SMURF2: variants seen among roughly 807,000 people sequenced by gnomAD.
SMURF2 encodes the protein E3 ubiquitin-protein ligase SMURF2.
SMURF2 carries 48 observed loss-of-function variants against 109.6 expected under a neutral mutation model. That is an observed-to-expected ratio of 0.44 (90% CI 0.35 to 0.56). The LOEUF is 0.56. Among genes scored for constraint, SMURF2 ranks in the 20% least tolerant of loss-of-function variants. The pLI, the probability that SMURF2 is intolerant of heterozygous loss-of-function variation, is 0.01. For missense variants in SMURF2, 575 were observed against 909.0 expected (o/e 0.63, Z 4.72); for synonymous variants, 288 against 317.1 (o/e 0.91, Z 0.97).
Position 64,661,925 on chromosome 17 carries a change from C to G in SMURF2, c.-45G>C, listed in dbSNP as rs2144746687. 8.6e-7 allele frequency: 1 copy of G among 1,160,954 alleles called. No homozygotes were observed. The highest frequency in any genetic ancestry group is 4.2e-5 in the South Asian group (1 of 23,672). The allele number at this position is 1,160,954 out of a possible 1,614,324, so 71.9% of individuals were successfully genotyped here. On this transcript the variant is annotated 5_prime_UTR_variant, in exon 1 of 19. Transcript: ENST00000262435. ...GCGGGGGCGGCGGGCGGCACGGGGG[C>G]GACGGCGAGGCGCGGCGGAGTCACC...
chr17:64,578,695 T>C (rs8070258), intron 8 of SMURF2, 119 bp from the exon 9 acceptor site: 31,352 of 640,308 alleles, frequency 0.049, 1,059 homozygotes, highest in Admixed American at 0.14. Flanking sequence ...ATCTATTTTA[T>C]TTATTATCAA....
chr17:64,547,557 G>GC lies in SMURF2; in HGVS notation c.2071+42dup, dbSNP rs1968976125. ...CCACAGACCCCACGCTGACAGCCCC[G>GC]CCCCCACCCGCTGCCCAGCTTGCCT... On this transcript the variant is annotated intron_variant, in intron 17 of 18. Transcript: ENST00000262435. This position sits in a 1 kb window ranked among gnomAD's most constrained non-coding sequence, Gnocchi z 4.2. 3 of 1,262,172 alleles carry GC rather than the reference G, an allele frequency of 2.4e-6. No homozygotes were observed. In the South Asian group the frequency reaches 3.7e-5, roughly 16 times the overall value. The allele number at this position is 1,262,172 out of a possible 1,614,324, so 78.2% of individuals were successfully genotyped here.
Position 64,555,047 on chromosome 17 carries a change from TATAG to T in SMURF2, c.1611-58_1611-55del, listed in dbSNP as rs1448701889. On this transcript the variant is annotated intron_variant, in intron 14 of 18. Transcript: ENST00000262435. ...ACTGGGAAACCTAAAATACAGACCC[TATAG>T]ATGTATTAATTGGTGAGATAAAACT... The T allele has an allele frequency of 2.7e-6, 4 of 1,462,500 alleles. No homozygotes were observed. The African/African-American group carries it at 5.7e-5, about 21-fold the overall frequency. 90.6% of individuals were successfully genotyped at this position (1,462,500 alleles called of 1,614,324 possible).
At chr17:64,554,757 T>G in intron 15 of SMURF2, 99 bp downstream of exon 15, 1 of 1,107,976 alleles carries the variant, frequency 9.0e-7, no homozygotes, top group Non-Finnish European at 1.3e-6. Context: ...AAGCGGATTT[T>G]GTAACACTAA....
intron 1 of SMURF2, chr17:64,660,898 C>A (rs1397542025): frequency 6.6e-6 from 1 of 151,982 alleles, no homozygotes; most frequent in African/African-American, 2.4e-5. Context: ...GTAAGCAAAA[C>A]GTACCTGTAA....
intron 10 of SMURF2, among the ~76,000 whole-genome samples, chr17:64,571,333 T>A (rs1371898667): frequency 1.3e-5 from 2 of 152,180 alleles, no homozygotes; most frequent in Non-Finnish European, 2.9e-5. Context: ...AATACTCATA[T>A]CAGAGTAAAC....
intron 1 of SMURF2, among the ~76,000 whole-genome samples, chr17:64,635,188 G>A (rs1255626689): frequency 1.3e-5 from 2 of 151,954 alleles, no homozygotes; most frequent in African/African-American, 4.8e-5. Flanking sequence ...TTAGCTGGGC[G>A]TGGTGGTGCA....
At chr17:64,607,954 CA>C (rs1969992344) in intron 1 of SMURF2, among the ~76,000 whole-genome samples, 1 of 150,490 alleles carries the variant, frequency 6.6e-6, no homozygotes, top group African/African-American at 2.4e-5. Flanking sequence ...GCCAAGATTG[CA>C]ACCACTGAAC....
intron 17 of SMURF2, 91 bp from the exon 18 acceptor site, chr17:64,546,429 G>T (rs1968955559): frequency 3.7e-6 from 4 of 1,087,388 alleles, no homozygotes; most frequent in South Asian, 1.4e-5. Context: ...TTAACCACAG[G>T]ATCTGGGGAT....
intron 10 of SMURF2, among the ~76,000 whole-genome samples, chr17:64,571,139 G>C (rs577237650): frequency 2.6e-5 from 4 of 152,008 alleles, no homozygotes; most frequent in Non-Finnish European, 5.9e-5. Flanking sequence ...TGCTACTAAG[G>C]TGTTAGCCAT....
At chr17:64,591,274 A>G in intron 4 of SMURF2, 125 bp from the exon 5 acceptor site, 3 of 696,690 alleles carry the variant, frequency 4.3e-6, no homozygotes, top group South Asian at 2.1e-5. Flanking sequence ...AAGAGTTCAG[A>G]TTTCAAAAAC....
rs1555682822 is a variant in SMURF2, at chr17:64,543,562, C to G, written c.*2286G>C. On this transcript the variant is annotated 3_prime_UTR_variant, in exon 19 of 19. Coordinates refer to ENST00000262435, the MANE Select transcript of SMURF2 (RefSeq NM_022739.4). ...GTGCTGGGATTACAGGTGTGAGCCA[C>G]CATGCCCAGCCAATTTCTTTCTTTT... 6.6e-6 allele frequency: 1 copy of G among 152,202 alleles called. No homozygotes were observed. Among genetic ancestry groups the G allele is most frequent in the Non-Finnish European group, 1.5e-5 (1 of 68,042 alleles). The allele number at this position is 152,202 out of a possible 1,614,324, so 9.4% of individuals were successfully genotyped here.
Position 64,625,840 on chromosome 17 carries a change from T to C in SMURF2, c.53-19200A>G, listed in dbSNP as rs1433604442. Among the ~76,000 whole-genome samples the C allele has an allele frequency of 3.3e-5, 5 of 152,304 alleles. No homozygotes were observed. In the East Asian group the frequency reaches 7.7e-4, roughly 23 times the overall value. ...GCTCTCTACTTTTAGGGGAATGAGA[T>C]GGTGATGGTAAAGCGCTCCTTTGAA... is the stretch of plus-strand genomic sequence containing the variant. On this transcript the variant is annotated intron_variant, in intron 1 of 18. Transcript: ENST00000262435.
intron 1 of SMURF2, among the ~76,000 whole-genome samples, chr17:64,652,363 CT>C: frequency 6.6e-6 from 1 of 152,226 alleles, no homozygotes; most frequent in African/African-American, 2.4e-5. Flanking sequence ...TTGAAAGCTG[CT>C]TTATTTTAAA....
intron 1 of SMURF2, among the ~76,000 whole-genome samples, chr17:64,634,800 G>A (rs1246988996): frequency 6.6e-6 from 1 of 152,138 alleles, no homozygotes; most frequent in Non-Finnish European, 1.5e-5. Context: ...ATTTTTATCT[G>A]ATGCTAATAC....
chr17:64,613,673 AGTGTGTGTGTGTGT>A (rs61060865), intron 1 of SMURF2, among the ~76,000 whole-genome samples: 186 of 20,774 alleles, frequency 9.0e-3, no homozygotes, highest in Non-Finnish European at 0.013. Flanking sequence ...TCCACGGACC[AGTGTGTGTGTGTGT>A]GTGTGTGTGT....
chr17:64,594,984 C>T (rs1344134713), intron 3 of SMURF2, among the ~76,000 whole-genome samples: 1 of 151,942 alleles, frequency 6.6e-6, no homozygotes, highest in Non-Finnish European at 1.5e-5. Context: ...GAGCAAAACT[C>T]CGTCTCAAAA....
intron 5 of SMURF2, among the ~76,000 whole-genome samples, chr17:64,587,577 G>A (rs1969681361): frequency 1.3e-5 from 2 of 152,126 alleles, no homozygotes; most frequent in Non-Finnish European, 2.9e-5. Context: ...TTAAATAATA[G>A]GTCAGCACAA....
intron 3 of SMURF2, among the ~76,000 whole-genome samples, chr17:64,594,915 G>A (rs576671882): frequency 5.3e-5 from 8 of 152,194 alleles, no homozygotes; most frequent in South Asian, 2.1e-4. Flanking sequence ...ACTTGAACCC[G>A]GGAGGCGGAG....
Sources: allele counts gnomAD v4.1 joint callset (sites outside exome capture counted in the v4.1 genomes callset), GRCh38; gene constraint gnomAD v4.1.1; non-coding constraint Gnocchi (gnomAD v3.1); transcripts MANE v1.5; gene names NCBI Gene and HGNC (gene_info 2026-07-23, HGNC 2026-07-21).